SV2C: variants seen among roughly 807,000 people sequenced by gnomAD.
SV2C encodes solute carrier family 22 member B3.
Under a neutral mutation model 79.7 loss-of-function variants are expected in SV2C, and 49 were observed. The ratio of observed to expected loss-of-function variants is 0.61; its 90% confidence interval spans 0.49 to 0.78. The LOEUF (loss-of-function observed/expected upper bound fraction) is 0.78, where lower values mean the gene tolerates loss of function less well. Among genes scored for constraint, SV2C ranks in the 30% least tolerant of loss-of-function variants. The pLI, the probability that SV2C is intolerant of heterozygous loss-of-function variation, is 0.00. For synonymous variants in SV2C, 334 were observed against 333.2 expected (o/e 1.00, Z -0.03); for missense variants, 833 against 912.9 (o/e 0.91, Z 1.13).
chr5:75,970,604 C>G, the SV2C span, among the ~76,000 whole-genome samples: 4 of 152,150 alleles, frequency 2.6e-5, no homozygotes, highest in African/African-American at 9.7e-5. Context: ...GACACATACA[C>G]TCTCCCAAGA....
intron 4 of SV2C, among the ~76,000 whole-genome samples, chr5:76,255,818 G>A (rs895667724): frequency 3.3e-5 from 5 of 152,042 alleles, no homozygotes; most frequent in South Asian, 4.1e-4. Context: ...TCTCATCTCC[G>A]CAGCCACCTC....
At chr5:76,100,488 TC>T (rs1253378385) in intron 1 of SV2C, among the ~76,000 whole-genome samples, 2 of 152,320 alleles carry the variant, frequency 1.3e-5, no homozygotes, top group Non-Finnish European at 2.9e-5. Flanking sequence ...TACTTTCTCT[TC>T]TTAACAGGAT....
At chr5:76,307,160 TCA>T (rs1402266074) in intron 12 of SV2C, among the ~76,000 whole-genome samples, 1 of 152,258 alleles carries the variant, frequency 6.6e-6, no homozygotes, top group Non-Finnish European at 1.5e-5. Context: ...TATGAGGTTT[TCA>T]GCCATTATTT....
In SV2C at chr5:76,325,405, C is replaced by G; in HGVS notation, c.2042C>G (p.Ala681Gly). Residue 681 changes from alanine to glycine, a missense_variant, in exon 13 of 13, where the codon GCA (alanine) becomes GGA (glycine). Physicochemically the swap from Ala to Gly is moderately conservative, Grantham distance 60. Coordinates refer to ENST00000502798, the MANE Select transcript of SV2C (RefSeq NM_014979.4). ...TTCTTAAATGCGCTATGCAAGGCAG[C>G]AGCCGTCCTGGGAAACTTAATATTT... The part of the protein sequence containing the change: ...FGFLNALCKA[A>G]AVLGNLIFGS... 1 of 1,614,216 alleles carries G rather than the reference C, an allele frequency of 6.2e-7. No individual in the cohort carries two copies. Among genetic ancestry groups the G allele is most frequent in the East Asian group, 2.2e-5 (1 of 44,884 alleles).
chr5:75,994,913 G>A, the SV2C span, among the ~76,000 whole-genome samples: 6 of 152,272 alleles, frequency 3.9e-5, no homozygotes, highest in South Asian at 1.0e-3. Flanking sequence ...CAAGGCCAAC[G>A]GCCTGAGAGC....
chr5:76,213,904 C>G (rs116801688), intron 4 of SV2C, among the ~76,000 whole-genome samples: 2,783 of 152,268 alleles, frequency 0.018, 41 homozygotes, highest in Middle Eastern at 0.061. Context: ...CCACTCTTAA[C>G]TACTCTCTCT....
intron 12 of SV2C, among the ~76,000 whole-genome samples, chr5:76,344,371 C>T (rs758656741): frequency 6.6e-6 from 1 of 152,174 alleles, no homozygotes; most frequent in Non-Finnish European, 1.5e-5. Context: ...GCTCCATCTA[C>T]GAGACTTGGT....
chr5:75,902,824 G>A, the SV2C span, among the ~76,000 whole-genome samples: 1 of 152,212 alleles, frequency 6.6e-6, no homozygotes, highest in Non-Finnish European at 1.5e-5. Context: ...ATGATGAAAA[G>A]AGGTATTTAT....
chr5:76,272,615 T>TTTG (rs1428991949), intron 4 of SV2C, among the ~76,000 whole-genome samples: 1 of 152,162 alleles, frequency 6.6e-6, no homozygotes, highest in Non-Finnish European at 1.5e-5. Flanking sequence ...TTTGTTTTGT[T>TTTG]TTGTTTTTTG....
chr5:75,861,746 A>T, the SV2C span, among the ~76,000 whole-genome samples: 1 of 152,226 alleles, frequency 6.6e-6, no homozygotes, highest in African/African-American at 2.4e-5. Flanking sequence ...GTTCTCACTT[A>T]TAAGTGGGAG....
chr5:76,324,299 A>G (rs949756033), intron 12 of SV2C, among the ~76,000 whole-genome samples: 2 of 152,196 alleles, frequency 1.3e-5, no homozygotes, highest in Non-Finnish European at 2.9e-5. Context: ...TTAAATTTCC[A>G]TTTAAACATA....
the SV2C span, among the ~76,000 whole-genome samples, chr5:75,966,838 T>G: frequency 5.8e-3 from 883 of 152,290 alleles, 13 homozygotes; most frequent in African/African-American, 0.02. Context: ...GGGGCTCATT[T>G]GATCTGTATC....
chr5:75,926,286 C>G, the SV2C span, among the ~76,000 whole-genome samples: 3 of 152,056 alleles, frequency 2.0e-5, no homozygotes, highest in African/African-American at 7.2e-5. Context: ...ATAGAAGTTT[C>G]TTTCAGAGTT....
At chr5:75,976,433 T>C in the SV2C span, among the ~76,000 whole-genome samples, 1 of 152,088 alleles carries the variant, frequency 6.6e-6, no homozygotes, top group Non-Finnish European at 1.5e-5. Flanking sequence ...CTTCATCGAC[T>C]GTTAATTCAT....
At chr5:75,957,487 C>T in the SV2C span, among the ~76,000 whole-genome samples, 1 of 152,020 alleles carries the variant, frequency 6.6e-6, no homozygotes, top group African/African-American at 2.4e-5. Flanking sequence ...GTCTTATCTC[C>T]AATCTACAAT....
chr5:76,262,336 T>C (rs1343534278), intron 4 of SV2C, among the ~76,000 whole-genome samples: 1 of 152,188 alleles, frequency 6.6e-6, no homozygotes, highest in African/African-American at 2.4e-5. Context: ...TTTTCTTCTT[T>C]ATTAGCCTGG....
At chr5:76,048,957 A>AAAAG in the SV2C span, among the ~76,000 whole-genome samples, 1 of 136,258 alleles carries the variant, frequency 7.3e-6, no homozygotes, top group Non-Finnish European at 1.6e-5. Flanking sequence ...AAGAGAGAGA[A>AAAAG]AGAAAAAGAG....
the SV2C span, among the ~76,000 whole-genome samples, chr5:76,028,917 G>A: frequency 6.6e-6 from 1 of 152,198 alleles, no homozygotes; most frequent in South Asian, 2.1e-4. Context: ...TATAGTTGCA[G>A]ATTAAATCTA....
the SV2C span, among the ~76,000 whole-genome samples, chr5:76,034,988 T>C: frequency 6.6e-6 from 1 of 152,222 alleles, no homozygotes; most frequent in Non-Finnish European, 1.5e-5. Context: ...AGAGTGTATG[T>C]GTTGAGGAAT....
Sources: gnomAD v4.1 joint callset for allele counts (sites outside exome capture counted in the v4.1 genomes callset) on GRCh38, gnomAD v4.1.1 for gene constraint, MANE v1.5 for transcripts, NCBI Gene and HGNC (gene_info 2026-07-23, HGNC 2026-07-21) for gene names.